The following PCSK6 variants were observed in gnomAD, a reference collection of about 807,000 sequenced individuals.
The protein encoded by PCSK6 is paired basic amino acid cleaving enzyme 4.
Under a neutral mutation model 123.3 loss-of-function variants are expected in PCSK6, and 85 were observed. The ratio of observed to expected loss-of-function variants is 0.69; its 90% CI spans 0.58 to 0.83. The LOEUF is 0.83. Ranked by LOEUF, PCSK6 falls within the 40% of genes least tolerant of loss-of-function variation. The pLI, the probability that PCSK6 is intolerant of heterozygous loss-of-function variation, is 0.00. For missense variants in PCSK6, 1,191 were observed against 1,282.3 expected, an observed-to-expected ratio of 0.93 and a Z score of 1.09; for synonymous variants, 508 against 516.0, an observed-to-expected ratio of 0.98 and a Z score of 0.21.
intron 19 of PCSK6, among the ~76,000 whole-genome samples, chr15:101,318,076 C>T (rs1352026557): frequency 1.3e-5 from 2 of 152,190 alleles, no homozygotes; most frequent in African/African-American, 4.8e-5. Flanking sequence ...GTAACCATTG[C>T]CAGCATCTAT....
chr15:101,347,772 G>A (rs1212696367), intron 13 of PCSK6: 1 of 1,613,478 alleles, frequency 6.2e-7, no homozygotes. Flanking sequence ...TTTTAGTCCA[G>A]GTTCCCTGGA....
At chr15:101,431,172 T>A (rs1156381819) in intron 4 of PCSK6, 148 bp downstream of exon 4, 3 of 795,052 alleles carry the variant, frequency 3.8e-6, no homozygotes, top group Non-Finnish European at 6.0e-6. Context: ...AATATTCATC[T>A]TCCTAATTCT....
chr15:101,334,883 A>C (rs1330452632), intron 13 of PCSK6, among the ~76,000 whole-genome samples: 3 of 152,188 alleles, frequency 2.0e-5, no homozygotes, highest in African/African-American at 7.2e-5. Flanking sequence ...GCCTCATGGG[A>C]GGAGGCTGGA....
At chr15:101,483,868 A>C (rs2057952737) in intron 1 of PCSK6, among the ~76,000 whole-genome samples, 1 of 152,176 alleles carries the variant, frequency 6.6e-6, no homozygotes, top group Non-Finnish European at 1.5e-5. Context: ...TGGACATCTA[A>C]AGTAGGGACT....
At chr15:101,349,386 C>G (rs2040833676) in intron 13 of PCSK6, among the ~76,000 whole-genome samples, 1 of 152,208 alleles carries the variant, frequency 6.6e-6, no homozygotes, top group African/African-American at 2.4e-5. Flanking sequence ...GCCAGCCAAC[C>G]CAATAGCAGC....
chr15:101,400,050 G>T (rs537373384), intron 6 of PCSK6, among the ~76,000 whole-genome samples: 1 of 152,112 alleles, frequency 6.6e-6, no homozygotes, highest in African/African-American at 2.4e-5. Context: ...TACAGATGGG[G>T]TCTCACTCTG....
rs2039692143 is a variant in PCSK6, at chr15:101,305,161, G to C, written c.*97C>G. ...GGGGAGATAAAGCTGTCAGGTGCAGGGCGCCGCTCCTGAAACAGACTCTGG... is the reference window on the plus strand; with the variant it reads ...GGGGAGATAAAGCTGTCAGGTGCAGCGCGCCGCTCCTGAAACAGACTCTGG... On this transcript the variant is annotated 3_prime_UTR_variant, in exon 22 of 22. Coordinates refer to ENST00000611716, the MANE Select transcript of PCSK6 (RefSeq NM_002570.5). This position sits in a 1 kb window ranked among gnomAD's most constrained non-coding sequence, Gnocchi z 4.8. 9.9e-7 allele frequency: 1 copy of C among 1,005,886 alleles called. No homozygotes were observed. 62.3% of individuals were successfully genotyped at this position (1,005,886 alleles called of 1,614,324 possible). A position where few individuals can be genotyped will look rare whatever the true frequency, so the allele number is the denominator to read the frequency against.
intron 6 of PCSK6, among the ~76,000 whole-genome samples, chr15:101,425,138 G>C (rs1460267761): frequency 2.0e-5 from 3 of 152,186 alleles, no homozygotes; most frequent in Admixed American, 1.3e-4. Flanking sequence ...TGAGAGTGCT[G>C]AGGAGACAAT....
intron 6 of PCSK6, among the ~76,000 whole-genome samples, chr15:101,404,225 C>G (rs965433189): frequency 2.0e-5 from 3 of 152,170 alleles, no homozygotes; most frequent in South Asian, 2.1e-4. Context: ...AGGGGCCAAC[C>G]TTCTCTGGGT....
chr15:101,427,596 A>C (rs4965384), intron 6 of PCSK6, among the ~76,000 whole-genome samples: 45,972 of 152,064 alleles, frequency 0.3, 7,389 homozygotes, highest in East Asian at 0.6. Context: ...ATCAACGCAG[A>C]CTTCTAGGAG....
chr15:101,349,393 C>T (rs995094309), intron 13 of PCSK6, among the ~76,000 whole-genome samples: 1 of 152,194 alleles, frequency 6.6e-6, no homozygotes, highest in Non-Finnish European at 1.5e-5. Context: ...AACCCAATAG[C>T]AGCCCAGCTT....
intron 7 of PCSK6, among the ~76,000 whole-genome samples, chr15:101,393,909 C>A (rs1159038117): frequency 2.6e-5 from 4 of 152,164 alleles, no homozygotes; most frequent in African/African-American, 9.7e-5. Context: ...TGAAGAGGTA[C>A]CCTTCTTGCA....
chr15:101,337,915 G>C (rs2040518893), intron 13 of PCSK6, among the ~76,000 whole-genome samples: 1 of 152,174 alleles, frequency 6.6e-6, no homozygotes, highest in Non-Finnish European at 1.5e-5. Context: ...GTTTAGTCCA[G>C]TTCCCTTTTT....
intron 6 of PCSK6, among the ~76,000 whole-genome samples, chr15:101,413,747 T>A (rs957245271): frequency 2.0e-5 from 3 of 152,200 alleles, no homozygotes; most frequent in African/African-American, 7.2e-5. Flanking sequence ...ATACCCCAAA[T>A]GCCTTGACTT....
intron 13 of PCSK6, among the ~76,000 whole-genome samples, chr15:101,361,958 T>TTC (rs1202455035): frequency 6.9e-6 from 1 of 144,012 alleles, no homozygotes; most frequent in Non-Finnish European, 1.5e-5. Flanking sequence ...AGGTGAAGCT[T>TTC]TTTTTTTTTT....
At chr15:101,387,915 C>T (rs3825911) in intron 9 of PCSK6, among the ~76,000 whole-genome samples, 97,245 of 152,132 alleles carry the variant, frequency 0.64, 31,831 homozygotes, top group Admixed American at 0.73. Context: ...AAGTGTCGAG[C>T]GCTCTAGACT....
intron 12 of PCSK6, among the ~76,000 whole-genome samples, chr15:101,368,596 C>T (rs1039410678): frequency 5.9e-5 from 9 of 152,298 alleles, no homozygotes; most frequent in African/African-American, 2.2e-4. Flanking sequence ...ACCACAGGCT[C>T]TCCGTCAACC....
chr15:101,357,236 G>T (rs1158525760), intron 13 of PCSK6, among the ~76,000 whole-genome samples: 1 of 152,186 alleles, frequency 6.6e-6, no homozygotes, highest in African/African-American at 2.4e-5. Flanking sequence ...GTGCTGCACT[G>T]TGCCTGGCAC....
In PCSK6 at chr15:101,427,968, A is replaced by G; in HGVS notation, c.747T>C (p.Arg249=). The change falls in exon 6 of 22, where the codon CGT becomes CGC. Residue 249 remains arginine (R), a synonymous_variant. Coordinates refer to ENST00000611716, the MANE Select transcript of PCSK6 (RefSeq NM_002570.5). ...CTGAAGCAGCAACTTCTCCCGCACA[A>G]CGAGTGCCGTGTCTGAAACAAAGGA... ...DASNENKHGT[R]CAGEVAASAN... is the part of the protein sequence containing the mutation. 6.3e-7 allele frequency: 1 copy of G among 1,578,068 alleles called. No individual in the cohort carries two copies. The highest frequency in any genetic ancestry group is 1.8e-5 in the Admixed American group (1 of 54,728).
Sources: allele counts gnomAD v4.1 joint callset (sites outside exome capture counted in the v4.1 genomes callset), GRCh38; gene constraint gnomAD v4.1.1; non-coding constraint Gnocchi (gnomAD v3.1); transcripts MANE v1.5; gene names NCBI Gene and HGNC (gene_info 2026-07-23, HGNC 2026-07-21).